The following SEMA5A variants were observed in gnomAD, a reference collection of about 807,000 sequenced individuals.
The protein encoded by SEMA5A is semaphorin-5A.
A neutral mutation model predicts 135.5 loss-of-function variants in SEMA5A; 55 were observed. That is an observed-to-expected ratio of 0.41 (90% CI 0.33 to 0.51). The LOEUF (loss-of-function observed/expected upper bound fraction) is 0.51. SEMA5A is among the 20% of genes least tolerant of loss of function. The pLI is 0.37. For synonymous variants in SEMA5A, 580 were observed against 546.5 expected, an observed-to-expected ratio of 1.06 and a Z score of -0.85; for missense variants, 1,290 against 1,419.9, an observed-to-expected ratio of 0.91 and a Z score of 1.47.
At chr5:9,471,595 C>A (rs578212943) in intron 1 of SEMA5A, among the ~76,000 whole-genome samples, 3 of 152,126 alleles carry the variant, frequency 2.0e-5, no homozygotes, top group African/African-American at 7.2e-5. Flanking sequence ...CAAAGTAACC[C>A]GTCCGATTAG....
At chr5:9,534,717 A>G (rs1183660482) in intron 1 of SEMA5A, among the ~76,000 whole-genome samples, 1 of 152,196 alleles carries the variant, frequency 6.6e-6, no homozygotes, top group South Asian at 2.1e-4. Flanking sequence ...CTCCACAGGC[A>G]CAGCAGTGGC....
intron 11 of SEMA5A, among the ~76,000 whole-genome samples, chr5:9,189,953 TGTCTTAAATTATCCAAATTCAAATG>T (rs1745008331): frequency 6.6e-6 from 1 of 152,256 alleles, no homozygotes; most frequent in Non-Finnish European, 1.5e-5. Context: ...AGCATACCTT[TGTCTTAAATTATCCAAATTCAAATG>T]GTCTTGCCAA....
chr5:9,353,756 C>A (rs141478813), intron 3 of SEMA5A, among the ~76,000 whole-genome samples: 92 of 152,184 alleles, frequency 6.0e-4, no homozygotes, highest in African/African-American at 2.1e-3. Context: ...CACACAAAAT[C>A]GTTTTGAAAC....
chr5:9,045,484 G>T (rs1453172353), intron 21 of SEMA5A, among the ~76,000 whole-genome samples: 1 of 152,114 alleles, frequency 6.6e-6, no homozygotes, highest in South Asian at 2.1e-4. Flanking sequence ...GTACAAAAGG[G>T]TCTACAGGAA....
chr5:9,120,313 T>TTTA, intron 14 of SEMA5A, among the ~76,000 whole-genome samples: 2 of 152,240 alleles, frequency 1.3e-5, no homozygotes, highest in South Asian at 4.1e-4. Context: ...TCAACAACTA[T>TTTA]GCCACTGAAG....
At chr5:9,112,680 C>A (rs1486047918) in intron 15 of SEMA5A, among the ~76,000 whole-genome samples, 2 of 152,160 alleles carry the variant, frequency 1.3e-5, no homozygotes, top group Admixed American at 6.5e-5. Flanking sequence ...GGACTCTTAA[C>A]TTTGAGAATG....
intron 2 of SEMA5A, among the ~76,000 whole-genome samples, chr5:9,384,611 GATAGATAC>G (rs1352933142): frequency 0.02 from 1,447 of 73,512 alleles, 73 homozygotes; most frequent in African/African-American, 0.045. Flanking sequence ...TAGATAGATA[GATAGATAC>G]ATAGATAGAT....
chr5:9,360,837 G>A lies in SEMA5A; in HGVS notation c.124+18986C>T, dbSNP rs746138317. Among the ~76,000 whole-genome samples the A allele has an allele frequency of 1.1e-4, 17 of 152,154 alleles. 1 individual carries two copies. The highest frequency in any genetic ancestry group is 2.1e-4 in the Non-Finnish European group (14 of 68,022). On this transcript the variant is annotated intron_variant, in intron 3 of 22. Transcript: ENST00000382496. The stretch of plus-strand genomic sequence containing the variant: ...ATTTTATAATTTTCTTTATCAGTCT[G>A]TGATTTATCTTTTGAATGCCTGATT...
intron 12 of SEMA5A, among the ~76,000 whole-genome samples, chr5:9,150,617 G>T (rs934427286): frequency 6.7e-6 from 1 of 148,410 alleles, no homozygotes; most frequent in African/African-American, 2.5e-5. Context: ...CACAACACAC[G>T]TGTGGTCAGT....
chr5:9,473,489 G>C (rs183049844), intron 1 of SEMA5A, among the ~76,000 whole-genome samples: 52 of 151,798 alleles, frequency 3.4e-4, no homozygotes, highest in African/African-American at 1.2e-3. Flanking sequence ...CCGGGGATCA[G>C]GCTACCAAGA....
At chr5:9,359,211 G>C (rs1713115134) in intron 3 of SEMA5A, among the ~76,000 whole-genome samples, 1 of 152,182 alleles carries the variant, frequency 6.6e-6, no homozygotes, top group Admixed American at 6.5e-5. Context: ...AACAGGCCAG[G>C]AATCTAGCCT....
At chr5:9,476,357 C>CT (rs78917413) in intron 1 of SEMA5A, among the ~76,000 whole-genome samples, 21 of 146,620 alleles carry the variant, frequency 1.4e-4, no homozygotes, top group Admixed American at 4.1e-4. Flanking sequence ...TGGGGGTTTA[C>CT]TTTTTTTTTT....
intron 12 of SEMA5A, among the ~76,000 whole-genome samples, chr5:9,146,319 A>T (rs1742332153): frequency 6.6e-6 from 1 of 152,180 alleles, no homozygotes. Flanking sequence ...TTAAAAACAG[A>T]TTTAATGGTG....
At chr5:9,396,676 C>T (rs1756416479) in intron 2 of SEMA5A, among the ~76,000 whole-genome samples, 1 of 152,148 alleles carries the variant, frequency 6.6e-6, no homozygotes, top group African/African-American at 2.4e-5. Flanking sequence ...CTCTCAAATC[C>T]TAAACTTAGT....
intron 5 of SEMA5A, among the ~76,000 whole-genome samples, chr5:9,283,727 C>G (rs545433978): frequency 6.6e-6 from 1 of 152,160 alleles, no homozygotes; most frequent in Non-Finnish European, 1.5e-5. Context: ...GCTACTGTAC[C>G]AGTTTGCCTC....
chr5:9,077,155 ACCTC>A (rs1738113105), intron 16 of SEMA5A, among the ~76,000 whole-genome samples: 1 of 151,976 alleles, frequency 6.6e-6, no homozygotes, highest in Non-Finnish European at 1.5e-5. Flanking sequence ...TGCTTGTAAT[ACCTC>A]CCAACAAAGG....
At chr5:9,172,305 G>A (rs966068889) in intron 11 of SEMA5A, among the ~76,000 whole-genome samples, 1 of 152,216 alleles carries the variant, frequency 6.6e-6, no homozygotes, top group Admixed American at 6.5e-5. Flanking sequence ...TTAACTCAAA[G>A]AGCAGCAGTT....
intron 12 of SEMA5A, among the ~76,000 whole-genome samples, chr5:9,152,683 T>C (rs1002490953): frequency 2.6e-5 from 4 of 152,244 alleles, no homozygotes; most frequent in Admixed American, 2.6e-4. Flanking sequence ...TTAAATTTTA[T>C]ACTCTATATA....
At chr5:9,073,484 C>T (rs1018455575) in intron 16 of SEMA5A, among the ~76,000 whole-genome samples, 3 of 152,102 alleles carry the variant, frequency 2.0e-5, no homozygotes, top group Non-Finnish European at 4.4e-5. Flanking sequence ...CTATTAAAAA[C>T]CTACAGACTG....
Sources: allele counts gnomAD v4.1 joint callset (sites outside exome capture counted in the v4.1 genomes callset), GRCh38; gene constraint gnomAD v4.1.1; transcripts MANE v1.5; gene names NCBI Gene and HGNC (gene_info 2026-07-23, HGNC 2026-07-21).